The following ASTN2 variants were observed in gnomAD, a reference collection of about 807,000 sequenced individuals.
The protein encoded by ASTN2 is astrotactin 2, also known as astrotactin-2.
In ASTN2, 54 loss-of-function variants were observed where a neutral mutation model predicts 139.8. The ratio of observed to expected loss-of-function variants is 0.39; its 90% CI spans 0.31 to 0.48. The LOEUF is 0.48. Ranked by LOEUF, ASTN2 falls within the 20% of genes least tolerant of loss-of-function variation. The pLI, the probability that ASTN2 is intolerant of heterozygous loss-of-function variation, is 0.95. For missense variants in ASTN2, 1,565 were observed against 1,725.1 expected (o/e 0.91, Z 1.64); for synonymous variants, 756 against 719.5 (o/e 1.05, Z -0.81).
intron 13 of ASTN2, among the ~76,000 whole-genome samples, chr9:116,743,022 A>G (rs1001158021): frequency 9.2e-5 from 14 of 152,112 alleles, no homozygotes; most frequent in Non-Finnish European, 2.1e-4. Flanking sequence ...TCAAACAAAA[A>G]ATCACATAGC....
intron 2 of ASTN2, among the ~76,000 whole-genome samples, chr9:117,229,930 G>A (rs942731695): frequency 2.6e-5 from 4 of 152,098 alleles, no homozygotes; most frequent in Admixed American, 6.5e-5. Context: ...ATTTCATGAA[G>A]CCAGGAGATT....
intron 2 of ASTN2, among the ~76,000 whole-genome samples, chr9:117,231,783 C>T (rs1832899044): frequency 6.6e-6 from 1 of 152,084 alleles, no homozygotes; most frequent in African/African-American, 2.4e-5. Context: ...TAGAAAGAAG[C>T]TTCTTTTTCA....
intron 17 of ASTN2, among the ~76,000 whole-genome samples, chr9:116,650,653 G>T (rs1007235817): frequency 9.9e-5 from 15 of 152,184 alleles, no homozygotes; most frequent in African/African-American, 3.4e-4. Flanking sequence ...TACTGAGGTA[G>T]ATACTGCTAG....
At chr9:116,847,786 A>G (rs976925306) in intron 11 of ASTN2, among the ~76,000 whole-genome samples, 1 of 152,220 alleles carries the variant, frequency 6.6e-6, no homozygotes, top group Non-Finnish European at 1.5e-5. Context: ...GCCTTTTACA[A>G]TGTGTTAAGC....
chr9:117,020,235 G>A (rs1837837145), intron 6 of ASTN2, among the ~76,000 whole-genome samples: 1 of 151,928 alleles, frequency 6.6e-6, no homozygotes, highest in Admixed American at 6.6e-5. Flanking sequence ...CTATGATATT[G>A]AAAACAGCAA....
At chr9:116,531,431 T>C (rs1163665490) in intron 19 of ASTN2, among the ~76,000 whole-genome samples, 1 of 152,248 alleles carries the variant, frequency 6.6e-6, no homozygotes, top group Non-Finnish European at 1.5e-5. Context: ...GTTTGTTACA[T>C]ATGTATACGT....
intron 2 of ASTN2, among the ~76,000 whole-genome samples, chr9:117,288,844 G>A (rs1363709865): frequency 6.6e-6 from 1 of 152,064 alleles, no homozygotes; most frequent in East Asian, 1.9e-4. Flanking sequence ...GGAATAAAAG[G>A]GTATAATAAA....
At chr9:117,073,291 C>T (rs557973321) in intron 5 of ASTN2, among the ~76,000 whole-genome samples, 1 of 152,268 alleles carries the variant, frequency 6.6e-6, no homozygotes, top group South Asian at 2.1e-4. Flanking sequence ...AGCTTCCTGC[C>T]TCTAGGGGTG....
intron 10 of ASTN2, among the ~76,000 whole-genome samples, chr9:116,876,876 T>C (rs1014962125): frequency 1.3e-5 from 2 of 152,228 alleles, no homozygotes; most frequent in Non-Finnish European, 2.9e-5. Context: ...TGCAATTCAC[T>C]TTATTGTGAT....
At chr9:117,023,106 G>A (rs970485215) in intron 6 of ASTN2, among the ~76,000 whole-genome samples, 1 of 152,162 alleles carries the variant, frequency 6.6e-6, no homozygotes, top group African/African-American at 2.4e-5. Flanking sequence ...TAACTGGCCA[G>A]GAGTGGAATG....
chr9:116,684,263 T>C (rs1207620458), intron 16 of ASTN2, among the ~76,000 whole-genome samples: 1 of 152,212 alleles, frequency 6.6e-6, no homozygotes, highest in African/African-American at 2.4e-5. Flanking sequence ...CTGCACTTTA[T>C]GCAAATAATC....
intron 19 of ASTN2, among the ~76,000 whole-genome samples, chr9:116,520,491 G>C (rs1850822205): frequency 2.0e-5 from 3 of 151,948 alleles, no homozygotes; most frequent in Non-Finnish European, 4.4e-5. Flanking sequence ...GGCATAGAAG[G>C]GACATACTTT....
chr9:116,603,044 A>G (rs1854990027), intron 19 of ASTN2, among the ~76,000 whole-genome samples: 1 of 152,220 alleles, frequency 6.6e-6, no homozygotes, highest in Non-Finnish European at 1.5e-5. Flanking sequence ...ACAATATTCA[A>G]AACTGTGTTT....
chr9:117,076,520 C>T (rs1354410643), intron 5 of ASTN2, among the ~76,000 whole-genome samples: 1 of 151,944 alleles, frequency 6.6e-6, no homozygotes, highest in Non-Finnish European at 1.5e-5. Context: ...AAGGAGAAAC[C>T]ATCAGAAGGT....
Position 116,518,189 on chromosome 9 carries a change from G to A in ASTN2, c.3356-30689C>T, listed in dbSNP as rs148775493. 4.6e-4 allele frequency among the ~76,000 whole-genome samples: 70 copies of A among 152,184 alleles called. 1 individual carries two copies. Among genetic ancestry groups the A allele is most frequent in the East Asian group, 1.3e-3 (7 of 5,186 alleles). ...GGAAATTCATTGCAAAAAGATCATC[G>A]CCTAGGCACACAGTCATCAGGTTAT... On this transcript the variant is annotated intron_variant, in intron 19 of 22. Coordinates refer to ENST00000313400, the MANE Select transcript of ASTN2 (RefSeq NM_001365068.1).
chr9:116,571,758 T>C (rs891308922), intron 19 of ASTN2, among the ~76,000 whole-genome samples: 1 of 152,146 alleles, frequency 6.6e-6, no homozygotes, highest in Non-Finnish European at 1.5e-5. Context: ...GCTATCCCCA[T>C]GGTGTGTAAC....
intron 13 of ASTN2, among the ~76,000 whole-genome samples, chr9:116,793,967 T>C (rs1420983892): frequency 6.6e-6 from 1 of 152,090 alleles, no homozygotes; most frequent in Non-Finnish European, 1.5e-5. Context: ...GGACCAGGAG[T>C]GTCCAATTTT....
intron 16 of ASTN2, among the ~76,000 whole-genome samples, chr9:116,658,514 GA>G: frequency 6.6e-6 from 1 of 152,262 alleles, no homozygotes; most frequent in Non-Finnish European, 1.5e-5. Context: ...GGAAGCCAGA[GA>G]AACAGTAGGT....
At chr9:116,992,991 C>A (rs575580906) in intron 7 of ASTN2, among the ~76,000 whole-genome samples, 1 of 152,224 alleles carries the variant, frequency 6.6e-6, no homozygotes, top group South Asian at 2.1e-4. Flanking sequence ...CCATCAGTCT[C>A]CCTTCCAACA....
Sources: gnomAD v4.1 joint callset for allele counts (sites outside exome capture counted in the v4.1 genomes callset) on GRCh38, gnomAD v4.1.1 for gene constraint, MANE v1.5 for transcripts, NCBI Gene and HGNC (gene_info 2026-07-23, HGNC 2026-07-21) for gene names.